The following AUTS2 variants were observed in gnomAD, a reference collection of about 807,000 sequenced individuals.
AUTS2 encodes the protein autism susceptibility gene 2 protein.
AUTS2 carries 17 observed loss-of-function variants against 112.4 expected under a neutral mutation model. The observed-to-expected ratio is 0.15, with a 90% CI of 0.10 to 0.23. The LOEUF (loss-of-function observed/expected upper bound fraction) is 0.23, where lower values mean the gene tolerates loss of function less well. Among genes scored for constraint, AUTS2 ranks in the 10% least tolerant of loss-of-function variants. AUTS2 has a pLI of 1.00. For synonymous variants in AUTS2, 751 were observed against 702.7 expected (o/e 1.07, Z -1.09); for missense variants, 1,510 against 1,701.6 (o/e 0.89, Z 1.98).
At chr7:70,034,512 G>A (rs574681972) in intron 2 of AUTS2, among the ~76,000 whole-genome samples, 12 of 152,290 alleles carry the variant, frequency 7.9e-5, no homozygotes, top group African/African-American at 2.9e-4. Flanking sequence ...TATTCCTCTG[G>A]CCAAGTGTGT....
chr7:70,506,135 C>T (rs1345607276), intron 5 of AUTS2, among the ~76,000 whole-genome samples: 2 of 152,062 alleles, frequency 1.3e-5, no homozygotes, highest in Admixed American at 6.5e-5. Context: ...CTTTTTCTCC[C>T]CTGGGACTGA....
chr7:70,611,498 G>A (rs1804090906), intron 5 of AUTS2, among the ~76,000 whole-genome samples: 1 of 152,146 alleles, frequency 6.6e-6, no homozygotes, highest in Non-Finnish European at 1.5e-5. Context: ...GCCTACCGTG[G>A]GGCTTTGATG....
intron 5 of AUTS2, among the ~76,000 whole-genome samples, chr7:70,615,667 G>A (rs748431816): frequency 1.3e-5 from 2 of 152,108 alleles, no homozygotes; most frequent in Non-Finnish European, 2.9e-5. Flanking sequence ...CTTAGTTGGC[G>A]TAGGTAGAGG....
At chr7:70,186,552 A>T (rs1809614782) in intron 4 of AUTS2, among the ~76,000 whole-genome samples, 1 of 152,144 alleles carries the variant, frequency 6.6e-6, no homozygotes, top group Non-Finnish European at 1.5e-5. Context: ...TATCTAACAT[A>T]CTACATTAAA....
intron 5 of AUTS2, among the ~76,000 whole-genome samples, chr7:70,515,038 A>G (rs3094906): frequency 0.31 from 46,338 of 151,804 alleles, 7,612 homozygotes; most frequent in African/African-American, 0.39. Flanking sequence ...TTTTGGTTGT[A>G]TGTTTTGTAA....
intron 1 of AUTS2, among the ~76,000 whole-genome samples, chr7:69,891,592 C>G (rs1016281166): frequency 6.6e-6 from 1 of 151,782 alleles, no homozygotes; most frequent in Admixed American, 6.6e-5. Context: ...CATATTCTCA[C>G]CAGTAGTGTA....
intron 1 of AUTS2, among the ~76,000 whole-genome samples, chr7:69,834,822 C>G (rs1356898129): frequency 6.6e-6 from 1 of 152,196 alleles, no homozygotes; most frequent in East Asian, 1.9e-4. Flanking sequence ...TGAGCTTGGG[C>G]CTGAAGCAGC....
intron 1 of AUTS2, among the ~76,000 whole-genome samples, chr7:69,762,726 A>G (rs1788247702): frequency 6.6e-6 from 1 of 152,128 alleles, no homozygotes; most frequent in African/African-American, 2.4e-5. Context: ...TGTTTCTAAA[A>G]AGTTCATATT....
intron 2 of AUTS2, among the ~76,000 whole-genome samples, chr7:69,900,357 A>C (rs1219400891): frequency 6.6e-6 from 1 of 152,246 alleles, no homozygotes. Context: ...TGTGGTGTAC[A>C]GAGCAGGTGC....
intron 1 of AUTS2, among the ~76,000 whole-genome samples, chr7:69,845,759 G>A (rs926789841): frequency 6.6e-6 from 1 of 152,100 alleles, no homozygotes; most frequent in Non-Finnish European, 1.5e-5. Context: ...GAGGTGAGAC[G>A]AGTTTGTCAG....
At chr7:69,671,969 T>C (rs1212380260) in intron 1 of AUTS2, among the ~76,000 whole-genome samples, 3 of 151,876 alleles carry the variant, frequency 2.0e-5, no homozygotes, top group African/African-American at 7.3e-5. Context: ...GGCAGAAACA[T>C]GCAAGGCAGG....
chr7:69,675,522 T>TTG (rs1467143215), intron 1 of AUTS2, among the ~76,000 whole-genome samples: 2 of 148,684 alleles, frequency 1.3e-5, no homozygotes, highest in East Asian at 3.9e-4. Flanking sequence ...TTTTTTTTTT[T>TTG]TTTTGAGATG....
At chr7:70,089,770 A>C (rs947254108) in intron 2 of AUTS2, among the ~76,000 whole-genome samples, 1 of 152,028 alleles carries the variant, frequency 6.6e-6, no homozygotes, top group African/African-American at 2.4e-5. Context: ...GCACTTTGGG[A>C]GGCCGAGGCA....
intron 3 of AUTS2, among the ~76,000 whole-genome samples, chr7:70,127,686 A>G (rs962966820): frequency 1.3e-5 from 2 of 152,232 alleles, no homozygotes; most frequent in Non-Finnish European, 2.9e-5. Context: ...GAATTGAAAC[A>G]TCTCAGAAAA....
chr7:69,608,589 A>G lies in AUTS2; in HGVS notation c.309+8627A>G, dbSNP rs142718494. 3.3e-4 allele frequency among the ~76,000 whole-genome samples: 50 copies of G among 152,348 alleles called. 1 individual carries two copies. In the East Asian group the frequency reaches 9.5e-3, roughly 29 times the overall value. On this transcript the variant is annotated intron_variant, in intron 1 of 18. Coordinates refer to ENST00000342771, the MANE Select transcript of AUTS2 (RefSeq NM_015570.4). ...AATGTTGTTTAGCGAAATATTCTAT[A>G]GTTAAAATCTTTACAAAGAAAAAAG...
chr7:70,013,901 A>G (rs536352995), intron 2 of AUTS2, among the ~76,000 whole-genome samples: 5 of 151,894 alleles, frequency 3.3e-5, no homozygotes, highest in Non-Finnish European at 5.9e-5. Context: ...GTATTTTAGT[A>G]ATGATGGATT....
intron 1 of AUTS2, among the ~76,000 whole-genome samples, chr7:69,611,931 C>T (rs1055214201): frequency 2.1e-3 from 29 of 13,776 alleles, no homozygotes; most frequent in Non-Finnish European, 3.7e-3. Context: ...AGCGAGACTC[C>T]GTCTCAAAAA....
intron 4 of AUTS2, among the ~76,000 whole-genome samples, chr7:70,325,861 C>T (rs771115856): frequency 2.1e-4 from 32 of 152,270 alleles, no homozygotes; most frequent in Admixed American, 7.8e-4. Flanking sequence ...AGAAACTATC[C>T]CACCTCTGAG....
intron 2 of AUTS2, among the ~76,000 whole-genome samples, chr7:70,096,601 AAAAAAAAAAAAAAAAG>A (rs941555888): frequency 1.8e-4 from 26 of 145,626 alleles, no homozygotes; most frequent in African/African-American, 6.3e-4. Flanking sequence ...CTCCATCTTA[AAAAAAAAAAAAAAAAG>A]AAAAAAAAAG....
Sources: gnomAD v4.1 joint callset for allele counts (sites outside exome capture counted in the v4.1 genomes callset) on GRCh38, gnomAD v4.1.1 for gene constraint, MANE v1.5 for transcripts, NCBI Gene and HGNC (gene_info 2026-07-23, HGNC 2026-07-21) for gene names.